The following UGT1A3 variants were observed in gnomAD, a reference collection of about 807,000 sequenced individuals.
UGT1A3 encodes UDP glucuronosyltransferase family 1 member A3, also known as UDP-glucuronosyltransferase 1A3.
UGT1A3 carries 31 observed loss-of-function variants against 41.0 expected under a neutral mutation model. That is an observed-to-expected ratio of 0.76 (90% CI 0.57 to 1.02). The LOEUF (loss-of-function observed/expected upper bound fraction) is 1.02. Ranked by LOEUF, UGT1A3 falls within the 50% of genes least tolerant of loss-of-function variation. The pLI is 0.00. For synonymous variants in UGT1A3, 262 were observed against 257.6 expected (o/e 1.02, Z -0.17); for missense variants, 737 against 671.0 (o/e 1.10, Z -1.09).
At chr2:233,737,324 G>A (rs1000160542) in intron 1 of UGT1A3, among the ~76,000 whole-genome samples, 2 of 152,246 alleles carry the variant, frequency 1.3e-5, no homozygotes, top group Non-Finnish European at 2.9e-5. Context: ...TGCTGCACTA[G>A]CAGTGAGCAA....
chr2:233,757,535 A>AATAAATATACATATACATATAT (rs1553619837), intron 1 of UGT1A3, among the ~76,000 whole-genome samples: 4 of 88,306 alleles, frequency 4.5e-5, no homozygotes, highest in African/African-American at 2.0e-4. Flanking sequence ...GCCTGTAAGG[A>AATAAATATACATATACATATAT]ATATATATAT....
At chr2:233,743,470 G>T in intron 1 of UGT1A3, 1 of 1,366,762 alleles carries the variant, frequency 7.3e-7, no homozygotes, top group Non-Finnish European at 9.8e-7. Flanking sequence ...ACCCCCAAAA[G>T]CTGGAAATTC....
At chr2:233,737,246 C>G (rs535872842) in intron 1 of UGT1A3, among the ~76,000 whole-genome samples, 2 of 152,238 alleles carry the variant, frequency 1.3e-5, no homozygotes, top group Non-Finnish European at 2.9e-5. Flanking sequence ...TGTTTACCTA[C>G]TCAAGCCTCA....
In UGT1A3 at chr2:233,760,894, CACATGACCTTCCTGCAGCGGGTGA is replaced by C. The variant is rs1553620849; in HGVS notation, c.868-6138_868-6115del. ...CAGGCCTCTCTCCTCTCATTCAGAT[CACATGACCTTCCTGCAGCGGGTGA>C]AGAACATGCTCATTGCCTTTTCACA... On this transcript the variant is annotated intron_variant, in intron 1 of 4. Coordinates refer to ENST00000482026, the MANE Select transcript of UGT1A3 (RefSeq NM_019093.4). The C allele has an allele frequency of 3.1e-6, 5 of 1,614,174 alleles. No homozygotes were observed. The highest frequency in any genetic ancestry group is 1.7e-5 in the Admixed American group (1 of 60,026).
rs1178293466 is a variant in UGT1A3 at position 233,747,267 on chromosome 2, C to A, written c.867+17274C>A. On this transcript the variant is annotated intron_variant, in intron 1 of 4. Coordinates refer to ENST00000482026, the MANE Select transcript of UGT1A3 (RefSeq NM_019093.4). Reference sequence around the variant, plus strand: ...TGTGGCTGGCCACAGGAGTGCTACTCCTTCTCAGTGCCCAGCCCTGGGCTG... The same window carrying A: ...TGTGGCTGGCCACAGGAGTGCTACTACTTCTCAGTGCCCAGCCCTGGGCTG... 4 of 1,599,414 alleles carry A rather than the reference C, an allele frequency of 2.5e-6. No individual in the cohort carries two copies. In the South Asian group the frequency reaches 3.4e-5, roughly 13 times the overall value.
chr2:233,743,882 C>T (rs779162939), intron 1 of UGT1A3: 31 of 1,366,974 alleles, frequency 2.3e-5, no homozygotes, highest in African/African-American at 3.0e-5. Context: ...TGAGGCCTGC[C>T]GGGGCACGTC....
intron 1 of UGT1A3, among the ~76,000 whole-genome samples, chr2:233,756,648 T>A (rs1349644658): frequency 6.6e-6 from 1 of 152,160 alleles, no homozygotes; most frequent in East Asian, 1.9e-4. Flanking sequence ...GGGATAAACA[T>A]GGGATGCAGT....
chr2:233,753,648 C>T (rs1051556706), intron 1 of UGT1A3: 5 of 152,204 alleles, frequency 3.3e-5, no homozygotes, highest in Non-Finnish European at 5.9e-5. Context: ...CACAAAGGTA[C>T]TTTCTCAATT....
At chr2:233,756,673 G>C (rs542273174) in intron 1 of UGT1A3, among the ~76,000 whole-genome samples, 32 of 152,264 alleles carry the variant, frequency 2.1e-4, no homozygotes, top group South Asian at 1.0e-3. Context: ...ATTTCCGCTA[G>C]AACTGCTATA....
At chr2:233,758,427 T>A (rs1366242338) in intron 1 of UGT1A3, among the ~76,000 whole-genome samples, 1 of 152,228 alleles carries the variant, frequency 6.6e-6, no homozygotes, top group African/African-American at 2.4e-5. Flanking sequence ...GCAAATGAAC[T>A]CACACAGCAT....
intron 1 of UGT1A3, among the ~76,000 whole-genome samples, chr2:233,749,862 T>G (rs1409437282): frequency 1.3e-5 from 2 of 151,992 alleles, no homozygotes; most frequent in Non-Finnish European, 2.9e-5. Flanking sequence ...TCTCACTTTC[T>G]GCCAGGATTA....
At chr2:233,735,683 G>A (rs909239593) in intron 1 of UGT1A3, among the ~76,000 whole-genome samples, 11 of 152,010 alleles carry the variant, frequency 7.2e-5, no homozygotes, top group African/African-American at 2.7e-4. Context: ...CTTCCTTTAG[G>A]AGCTCTTGTA....
chr2:233,744,381 A>G (rs186112546), intron 1 of UGT1A3, among the ~76,000 whole-genome samples: 6 of 151,986 alleles, frequency 3.9e-5, no homozygotes, highest in East Asian at 3.9e-4. Flanking sequence ...CAGTTCTCCA[A>G]CGTTCCAGCC....
At chr2:233,754,930 G>C (rs1387383656) in intron 1 of UGT1A3, 3 of 1,344,668 alleles carry the variant, frequency 2.2e-6, no homozygotes, top group Non-Finnish European at 2.0e-6. Context: ...TTTCCCAAGA[G>C]GTCAAAGGAG....
At chr2:233,761,119 A>T in intron 1 of UGT1A3, 1 of 1,614,188 alleles carries the variant, frequency 6.2e-7, no homozygotes, top group African/African-American at 1.3e-5. Context: ...TGTTGGTGGA[A>T]TCAACTGCCT....
chr2:233,757,535 A>AATAT (rs67292694), intron 1 of UGT1A3, among the ~76,000 whole-genome samples: 4,411 of 88,266 alleles, frequency 0.05, 328 homozygotes, highest in Non-Finnish European at 0.062. Context: ...GCCTGTAAGG[A>AATAT]ATATATATAT....
At chr2:233,758,946 A>G (rs1697025416) in intron 1 of UGT1A3, among the ~76,000 whole-genome samples, 3 of 152,254 alleles carry the variant, frequency 2.0e-5, no homozygotes, top group Admixed American at 1.3e-4. Flanking sequence ...ATCAGTCATC[A>G]GAATTTCCCC....
chr2:233,756,339 T>G (rs1013422836), intron 1 of UGT1A3: 3 of 152,244 alleles, frequency 2.0e-5, no homozygotes, highest in Non-Finnish European at 4.4e-5. Context: ...TAGTCATCTC[T>G]TGATTACTTT....
At chr2:233,754,512 G>A (rs1197156567) in intron 1 of UGT1A3, 1 of 361,962 alleles carries the variant, frequency 2.8e-6, no homozygotes. Flanking sequence ...TATTCCTCCA[G>A]ATGTGCTTAA....
Sources: allele counts gnomAD v4.1 joint callset (sites outside exome capture counted in the v4.1 genomes callset), GRCh38; gene constraint gnomAD v4.1.1; transcripts MANE v1.5; gene names NCBI Gene and HGNC (gene_info 2026-07-23, HGNC 2026-07-21).